CTSB: variants seen among roughly 807,000 people sequenced by gnomAD.
CTSB encodes cathepsin B.
A neutral mutation model predicts 44.3 loss-of-function variants in CTSB; 57 were observed. That is an observed-to-expected ratio of 1.29 (90% CI 1.04 to 1.60). CTSB has a LOEUF of 1.60. Ranked by LOEUF, CTSB falls within the 40% of genes most tolerant of loss-of-function variation. CTSB has a pLI of 0.00. For missense variants in CTSB, 768 were observed against 443.0 expected, an observed-to-expected ratio of 1.73 and a Z score of -6.59; for synonymous variants, 320 against 168.0, an observed-to-expected ratio of 1.91 and a Z score of -7.00.
rs542531386 is a variant in CTSB, at chr8:11,845,044, T to A, written c.*81A>T. The A allele has an allele frequency of 1.0e-6, 1 of 966,032 alleles. No homozygotes were observed. Among genetic ancestry groups the A allele is most frequent in the Non-Finnish European group, 1.6e-6 (1 of 608,096 alleles). The allele number at this position is 966,032 out of a possible 1,614,324, so 59.8% of individuals were successfully genotyped here. ...TCCTTCAGACCCTGTCTGAAACTTGTATCTTACGTGAACTTAAAGAATAAA... is the reference window on the plus strand; with the variant it reads ...TCCTTCAGACCCTGTCTGAAACTTGAATCTTACGTGAACTTAAAGAATAAA... On this transcript the variant is annotated 3_prime_UTR_variant, in exon 10 of 10. Transcript: ENST00000353047.
intron 9 of CTSB, 85 bp downstream of exon 9, chr8:11,845,571 TGTGCG>T (rs1813142919): frequency 4.7e-6 from 7 of 1,490,710 alleles, no homozygotes; most frequent in Non-Finnish European, 6.4e-6. Flanking sequence ...GGTTTAAGGC[TGTGCG>T]GTGGGTAGAA....
chr8:11,847,049 C>T lies in CTSB; in HGVS notation c.793+3G>A, dbSNP rs767266630. On this transcript the variant is annotated splice_donor_region_variant and intron_variant, in intron 8 of 9. Transcript: ENST00000353047. The stretch of plus-strand genomic sequence containing the variant: ...TCTATTGCCATCAGCCATCAGCACG[C>T]ACCTGACTTGTAGAGCAGGAAGTCC... The T allele has an allele frequency of 1.1e-5, 17 of 1,550,962 alleles. No individual in the cohort carries two copies. The South Asian group carries it at 1.7e-4, about 15-fold the overall frequency.
chr8:11,847,240 T>A, intron 7 of CTSB, 72 bp from the exon 8 acceptor site: 2 of 959,648 alleles, frequency 2.1e-6, no homozygotes, highest in Non-Finnish European at 3.4e-6. Flanking sequence ...GGTCAGCCAG[T>A]CACTGATTTC....
chr8:11,861,029 A>G (rs1284842923), intron 1 of CTSB, among the ~76,000 whole-genome samples: 1 of 152,214 alleles, frequency 6.6e-6, no homozygotes, highest in East Asian at 1.9e-4. Context: ...TTGAGTATGA[A>G]TCACAGCCTT....
Position 11,843,476 on chromosome 8 carries a change from T to G in CTSB, c.*1649A>C, listed in dbSNP as rs1812635618. The stretch of plus-strand genomic sequence containing the variant: ...GGAATGATTGCTGGTTCTTCTAGTT[T>G]GCTCTATACCAAGAACTGCTATAAC... On this transcript the variant is annotated 3_prime_UTR_variant, in exon 10 of 10. Transcript: ENST00000353047. 1 of 152,242 alleles carries G rather than the reference T, an allele frequency of 6.6e-6. No homozygotes were observed. The highest frequency in any genetic ancestry group is 1.5e-5 in the Non-Finnish European group (1 of 68,064). The allele number at this position is 152,242 out of a possible 1,614,324, so 9.4% of individuals were successfully genotyped here.
intron 4 of CTSB, 198 bp downstream of exon 4, chr8:11,850,668 T>C: frequency 2.1e-6 from 1 of 467,914 alleles, no homozygotes; most frequent in Non-Finnish European, 3.9e-6. Flanking sequence ...TGCTGGATGC[T>C]CTGCCCGCCA....
At chr8:11,849,906 A>T (rs1814237088) in intron 4 of CTSB, 1 of 152,226 alleles carries the variant, frequency 6.6e-6, no homozygotes, top group Non-Finnish European at 1.5e-5. Flanking sequence ...CAAAAAACAC[A>T]GCTCACCCAG....
At position 11,864,381 on chromosome 8, in the gene CTSB, G is replaced by C. The variant is rs539391157; in HGVS notation, c.-26+3620C>G. ...CTGTGGTCCCAGCTACTTACTACTC[G>C]GGAGGCTGAGGTGGGAACCAGATCG... On this transcript the variant is annotated intron_variant, in intron 1 of 9. Coordinates refer to ENST00000353047, the MANE Select transcript of CTSB (RefSeq NM_001908.5). The C allele has an allele frequency of 8.0e-5, 12 of 149,098 alleles. No homozygotes were observed. In the South Asian group the frequency reaches 1.9e-3, roughly 24 times the overall value. 9.2% of individuals were successfully genotyped at this position (149,098 alleles called of 1,614,324 possible).
In CTSB at chr8:11,845,222, C is replaced by G; in HGVS notation, c.923G>C (p.Gly308Ala). Residue 308 changes from glycine (G) to alanine (A), a missense_variant and splice_region_variant, in exon 10 of 10, where the codon GGC (glycine) becomes GCC (alanine). Transcript: ENST00000353047. ...CTGTCCTCTGAGTATTTTAAAGAAG[C>G]CTGGGAATAAAAAGTAAGGTGCTTT... is the stretch of plus-strand genomic sequence containing the variant. ...NSWNTDWGDN[G>A]FFKILRGQDH... 6.2e-7 allele frequency: 1 copy of G among 1,611,002 alleles called. No homozygotes were observed. The highest frequency in any genetic ancestry group is 8.5e-7 in the Non-Finnish European group (1 of 1,177,322).
At chr8:11,853,995 C>T (rs1407472644) in intron 1 of CTSB, among the ~76,000 whole-genome samples, 1 of 152,138 alleles carries the variant, frequency 6.6e-6, no homozygotes, top group African/African-American at 2.4e-5. Flanking sequence ...TGGCCATCCA[C>T]CCACTCCCGG....
rs776575335 is a variant in CTSB at position 11,847,835 on chromosome 8, G to A, written c.533-13C>T. ...TACGGTCTGCACCCTGATGGGACGC[G>A]GGAGAAAGCGGAGTCAACCTACAGC... On this transcript the variant is annotated splice_polypyrimidine_tract_variant and intron_variant, in intron 6 of 9. Coordinates refer to ENST00000353047, the MANE Select transcript of CTSB (RefSeq NM_001908.5). The A allele has an allele frequency of 2.0e-5, 32 of 1,575,854 alleles. No individual in the cohort carries two copies. Among genetic ancestry groups the A allele is most frequent in the Admixed American group, 4.1e-5 (2 of 48,522 alleles).
In CTSB at chr8:11,853,273, G is replaced by A. The variant is rs1814927729; in HGVS notation, c.126+56C>T. The A allele has an allele frequency of 6.9e-6, 11 of 1,599,934 alleles. No homozygotes were observed. The South Asian group carries it at 9.0e-5, about 13-fold the overall frequency. ...GGCTGGCTTCCCATTCCTGGAGTCA[G>A]TGTGCACAGACCGACCTGGGAGGGG... On this transcript the variant is annotated intron_variant, in intron 2 of 9. Transcript: ENST00000353047.
At chr8:11,856,284 G>A (rs534343206) in intron 1 of CTSB, among the ~76,000 whole-genome samples, 1 of 152,132 alleles carries the variant, frequency 6.6e-6, no homozygotes, top group Admixed American at 6.6e-5. Flanking sequence ...CAATAACAGA[G>A]TAACTGTTAA....
intron 4 of CTSB, chr8:11,849,443 C>A: frequency 3.9e-6 from 1 of 257,138 alleles, no homozygotes; most frequent in Admixed American, 4.6e-5. Flanking sequence ...GCCACTTGCC[C>A]CACTCTCCTG....
chr8:11,850,614 G>T (rs899968555), intron 4 of CTSB: 1 of 343,272 alleles, frequency 2.9e-6, no homozygotes, highest in Non-Finnish European at 5.5e-6. Flanking sequence ...AGCATGTCAG[G>T]GAAAGGGAGC....
At chr8:11,845,390 A>G (rs922883409) in intron 9 of CTSB, among the ~76,000 whole-genome samples, 168 bp from the exon 10 acceptor site, 3 of 152,136 alleles carry the variant, frequency 2.0e-5, no homozygotes, top group Admixed American at 6.5e-5. Context: ...GCACACCTCC[A>G]CGGGCAAGCC....
In CTSB at chr8:11,845,053, T is replaced by G. The variant is rs992317974; in HGVS notation, c.*72A>C. ...CCCTGTCTGAAACTTGTATCTTACG[T>G]GAACTTAAAGAATAAAATGCATTTC... On this transcript the variant is annotated 3_prime_UTR_variant, in exon 10 of 10. Coordinates refer to ENST00000353047, the MANE Select transcript of CTSB (RefSeq NM_001908.5). The G allele has an allele frequency of 2.1e-5, 22 of 1,036,876 alleles. No homozygotes were observed. In the African/African-American group the frequency reaches 3.5e-4, roughly 16 times the overall value. The allele number at this position is 1,036,876 out of a possible 1,614,324, so 64.2% of individuals were successfully genotyped here. A position where few individuals can be genotyped will look rare whatever the true frequency, so the allele number is the denominator to read the frequency against.
At chr8:11,867,468 G>C (rs1358693225) in intron 1 of CTSB, 1 of 152,312 alleles carries the variant, frequency 6.6e-6, no homozygotes, top group Non-Finnish European at 1.5e-5. Context: ...AACAGGACCT[G>C]TCTTCTGGGG....
chr8:11,850,361 G>C (rs964477705), intron 4 of CTSB, among the ~76,000 whole-genome samples: 18 of 139,048 alleles, frequency 1.3e-4, no homozygotes, highest in African/African-American at 4.6e-4. Context: ...AGAGGTTGCA[G>C]TGAGCCAATA....
Sources: allele counts gnomAD v4.1 joint callset (sites outside exome capture counted in the v4.1 genomes callset), GRCh38; gene constraint gnomAD v4.1.1; transcripts MANE v1.5; gene names NCBI Gene and HGNC (gene_info 2026-07-23, HGNC 2026-07-21).